KCNAB2: variants seen among roughly 807,000 people sequenced by gnomAD.
The protein encoded by KCNAB2 is potassium voltage-gated channel subfamily A regulatory beta subunit 2, also known as voltage-gated potassium channel subunit beta-2.
KCNAB2 carries 29 observed loss-of-function variants against 63.6 expected under a neutral mutation model. That is an observed-to-expected ratio of 0.46 (90% CI 0.34 to 0.62). The LOEUF (loss-of-function observed/expected upper bound fraction) is 0.62, where lower values mean the gene tolerates loss of function less well. Among genes scored for constraint, KCNAB2 ranks in the 20% least tolerant of loss-of-function variants. The pLI is 0.01. For synonymous variants in KCNAB2, 222 were observed against 224.2 expected (o/e 0.99, Z 0.09); for missense variants, 359 against 563.9 (o/e 0.64, Z 3.68).
At chr1:6,004,053 C>T (rs532987835) in intron 1 of KCNAB2, among the ~76,000 whole-genome samples, 1 of 152,236 alleles carries the variant, frequency 6.6e-6, no homozygotes, top group East Asian at 1.9e-4. Context: ...GGGAGGAGCC[C>T]CCAGTGCCTG....
chr1:6,010,667 C>T (rs888384020), intron 1 of KCNAB2, among the ~76,000 whole-genome samples: 2 of 152,292 alleles, frequency 1.3e-5, no homozygotes, highest in South Asian at 4.1e-4. Context: ...AGTCCCTCCT[C>T]GTCCCTGCTC....
chr1:6,091,422 A>C (rs1665176646), intron 10 of KCNAB2, 115 bp downstream of exon 10: 11 of 790,974 alleles, frequency 1.4e-5, no homozygotes, highest in Non-Finnish European at 2.0e-5. Context: ...CATAAAATGC[A>C]TAAAGAGGGG....
At chr1:6,068,299 T>C (rs1662920147) in intron 2 of KCNAB2, among the ~76,000 whole-genome samples, 1 of 152,208 alleles carries the variant, frequency 6.6e-6, no homozygotes, top group Non-Finnish European at 1.5e-5. Context: ...ACGTGCGTGC[T>C]GGAGGCAGGG....
intron 1 of KCNAB2, among the ~76,000 whole-genome samples, chr1:6,012,908 C>T (rs1033427837): frequency 1.3e-5 from 2 of 152,046 alleles, no homozygotes; most frequent in African/African-American, 4.8e-5. Context: ...CCACACACGC[C>T]CTGTGAGCCA....
Position 6,060,901 on chromosome 1 carries a change from C to CAA in KCNAB2, c.218+9167_218+9168dup, listed in dbSNP as rs58592769. 1.0e-3 allele frequency among the ~76,000 whole-genome samples: 89 copies of CAA among 85,086 alleles called. 1 individual carries two copies. The highest frequency in any genetic ancestry group is 3.9e-3 in the Admixed American group (31 of 8,030). The allele number at this position is 85,086 out of a possible 152,430, so 55.8% of individuals were successfully genotyped here. A position where few individuals can be genotyped will look rare whatever the true frequency, so the allele number is the denominator to read the frequency against. On this transcript the variant is annotated intron_variant, in intron 2 of 15. Coordinates refer to ENST00000378083, the MANE Select transcript of KCNAB2 (RefSeq NM_001199862.2). ...CTGGCAACAGAGCAAGACTCCGTCT[C>CAA]AAAAAAAAAAAAAAAAAAAAAGCCA...
intron 8 of KCNAB2, among the ~76,000 whole-genome samples, chr1:6,089,463 C>T (rs1438031843): frequency 1.3e-5 from 2 of 152,248 alleles, no homozygotes; most frequent in African/African-American, 4.8e-5. Flanking sequence ...CACTCGCAGG[C>T]ACCGGAGCAA....
chr1:6,084,170 C>T (rs773145308), intron 5 of KCNAB2, among the ~76,000 whole-genome samples: 4 of 152,220 alleles, frequency 2.6e-5, no homozygotes, highest in Admixed American at 6.5e-5. Context: ...GATCATTCTC[C>T]GTCTGTTGTT....
chr1:6,064,949 G>A (rs1424320143), intron 2 of KCNAB2, among the ~76,000 whole-genome samples: 2 of 152,210 alleles, frequency 1.3e-5, no homozygotes, highest in South Asian at 2.1e-4. Flanking sequence ...AGCGTCTGCT[G>A]TAACCTAAGT....
chr1:6,065,399 C>T (rs1370796421), intron 2 of KCNAB2, among the ~76,000 whole-genome samples: 12 of 152,226 alleles, frequency 7.9e-5, no homozygotes, highest in Admixed American at 6.5e-4. Context: ...TCTCCCTGGT[C>T]GCCTCATTGA....
upstream of KCNAB2, among the ~76,000 whole-genome samples, chr1:6,043,644 C>T (rs1660688304): frequency 6.6e-6 from 1 of 152,224 alleles, no homozygotes; most frequent in African/African-American, 2.4e-5. Context: ...CTGGGGGCCA[C>T]TCCTAGTAGG....
At chr1:6,054,560 G>A (rs1338835502) in intron 2 of KCNAB2, among the ~76,000 whole-genome samples, 1 of 152,196 alleles carries the variant, frequency 6.6e-6, no homozygotes, top group African/African-American at 2.4e-5. Flanking sequence ...AACCTGGGAG[G>A]CGGAGGTTGC....
chr1:6,072,279 C>A (rs1382237646), intron 2 of KCNAB2, among the ~76,000 whole-genome samples: 1 of 152,202 alleles, frequency 6.6e-6, no homozygotes, highest in Non-Finnish European at 1.5e-5. Context: ...CCCCGAGGGA[C>A]AGATGCACAG....
chr1:6,028,150 G>A lies in KCNAB2; in HGVS notation c.-52-12367G>A, dbSNP rs910833654. Among the ~76,000 whole-genome samples the A allele has an allele frequency of 3.3e-5, 5 of 152,294 alleles. No individual in the cohort carries two copies. The highest frequency in any genetic ancestry group is 2.6e-4 in the Admixed American group (4 of 15,292). Reference sequence around the variant, plus strand: ...GCACTCAGAGTCAGCACCTGCCTTCGTTGCAGCATTGACCCTCTGCCATCA... The same window carrying A: ...GCACTCAGAGTCAGCACCTGCCTTCATTGCAGCATTGACCCTCTGCCATCA... On this transcript the variant is annotated intron_variant, in intron 1 of 16. Transcript: ENST00000341524. The surrounding 1 kb of genome is among the most constrained non-coding windows in gnomAD (Gnocchi z 4.0).
At chr1:6,065,287 G>A (rs1453607439) in intron 2 of KCNAB2, among the ~76,000 whole-genome samples, 1 of 152,248 alleles carries the variant, frequency 6.6e-6, no homozygotes, top group Non-Finnish European at 1.5e-5. Context: ...CTCAGCAGCT[G>A]TCAGCCCGGA....
Position 6,012,844 on chromosome 1 carries a change from T to C in KCNAB2, c.-53+20056T>C, listed in dbSNP as rs1032463446. Among the ~76,000 whole-genome samples the C allele has an allele frequency of 3.9e-5, 6 of 152,068 alleles. No homozygotes were observed. The South Asian group carries it at 6.2e-4, about 16-fold the overall frequency. On this transcript the variant is annotated intron_variant, in intron 1 of 16. Transcript: ENST00000341524. ...CAGTGGTGGTCGTGAGCTGTGTGTG[T>C]GTTTCTGTGCAGGTGCTCACCCATG...
rs148318428 is a variant in KCNAB2 at position 6,000,068 on chromosome 1, CCCTG to C, written c.-53+7286_-53+7289del. ...GCACCTTGTCTGTGCCCCGTCCACA[CCCTG>C]CCTGCACTCTGTCTGTGCCCCATCT... On this transcript the variant is annotated intron_variant, in intron 1 of 16. Coordinates refer to the KCNAB2 transcript ENST00000341524. 2.9e-3 allele frequency among the ~76,000 whole-genome samples: 438 copies of C among 151,294 alleles called. 2 individuals carry two copies. Among genetic ancestry groups the C allele is most frequent in the African/African-American group, 0.01 (415 of 40,752 alleles).
At chr1:5,995,343 G>C (rs917328802) in intron 1 of KCNAB2, among the ~76,000 whole-genome samples, 1 of 152,228 alleles carries the variant, frequency 6.6e-6, no homozygotes, top group African/African-American at 2.4e-5. Flanking sequence ...CAGTGACGGA[G>C]CTGGGTTGGA....
At chr1:6,021,909 G>A (rs1405268483) in intron 1 of KCNAB2, among the ~76,000 whole-genome samples, 2 of 150,846 alleles carry the variant, frequency 1.3e-5, no homozygotes, top group African/African-American at 2.4e-5. Flanking sequence ...GGTATTGAGG[G>A]TAAAGTGCAG....
At chr1:6,000,389 C>T (rs1236195829) in intron 1 of KCNAB2, among the ~76,000 whole-genome samples, 1 of 152,196 alleles carries the variant, frequency 6.6e-6, no homozygotes, top group Admixed American at 6.5e-5. Flanking sequence ...TGCTTTGCTC[C>T]TTGAAGGAGT....
Sources: allele counts gnomAD v4.1 joint callset (sites outside exome capture counted in the v4.1 genomes callset), GRCh38; gene constraint gnomAD v4.1.1; non-coding constraint Gnocchi (gnomAD v3.1); transcripts MANE v1.5; gene names NCBI Gene and HGNC (gene_info 2026-07-23, HGNC 2026-07-21).